OPLAH: variants seen among roughly 807,000 people sequenced by gnomAD.
OPLAH encodes the protein 5-oxoprolinase.
Under a neutral mutation model 122.8 loss-of-function variants are expected in OPLAH, and 103 were observed. The observed-to-expected ratio is 0.84, with a 90% CI of 0.71 to 0.99. The LOEUF (loss-of-function observed/expected upper bound fraction) is 0.99. Among genes scored for constraint, OPLAH ranks in the 50% least tolerant of loss-of-function variants. The pLI, the probability that OPLAH is intolerant of heterozygous loss-of-function variation, is 0.00. For missense variants in OPLAH, 1,902 were observed against 1,836.5 expected, an observed-to-expected ratio of 1.04 and a Z score of -0.65; for synonymous variants, 875 against 796.0, an observed-to-expected ratio of 1.10 and a Z score of -1.67.
chr8:144,052,957 C>T, intron 21 of OPLAH, 26 bp downstream of exon 21: 2 of 1,585,014 alleles, frequency 1.3e-6, no homozygotes, highest in Non-Finnish European at 1.7e-6. Context: ...CCCCTGCCGC[C>T]TAGAGGCACT....
chr8:144,051,136 G>A (rs1835362434), downstream of OPLAH: 3 of 1,414,008 alleles, frequency 2.1e-6, no homozygotes, highest in Non-Finnish European at 2.8e-6. Context: ...GTGACGTTCA[G>A]TACCGCCCTG....
At position 144,052,199 on chromosome 8, in the gene OPLAH, C is replaced by T. The variant is rs1554757841; in HGVS notation, c.3431G>A (p.Arg1144His). Residue 1144 changes from arginine (R) to histidine (H), a missense_variant, in exon 24 of 27, where the codon CGC (arginine) becomes CAC (histidine). This residue lies in a region of OPLAH where 1,726 missense variants were observed against 1,642.1 expected (regional missense o/e 1.05). Coordinates refer to ENST00000618853, the MANE Select transcript of OPLAH (RefSeq NM_017570.5). ...SGVHSHMTNT[R>H]ITDPEILESR... Reference sequence around the variant, plus strand: ...CTCCAGGATCTCAGGGTCGGTGATGCGTGTGTTGGTCATGTGGCTGTGCAC... The same window carrying T: ...CTCCAGGATCTCAGGGTCGGTGATGTGTGTGTTGGTCATGTGGCTGTGCAC... The T allele has an allele frequency of 1.9e-6, 3 of 1,581,754 alleles. No individual in the cohort carries two copies. The highest frequency in any genetic ancestry group is 1.8e-5 in the Admixed American group (1 of 56,564).
Position 144,055,240 on chromosome 8 carries a change from GC to G in OPLAH, c.2249-52del, listed in dbSNP as rs1260412829. On this transcript the variant is annotated intron_variant, in intron 16 of 26. Coordinates refer to ENST00000618853, the MANE Select transcript of OPLAH (RefSeq NM_017570.5). This position sits in a 1 kb window ranked among gnomAD's most constrained non-coding sequence, Gnocchi z 6.5. Reference sequence around the variant, plus strand: ...GCTGGCCCCACCCACCCACAGCCTGGCCCCAGGAAAGGGAGGAACAGGACCC... The same window carrying G: ...GCTGGCCCCACCCACCCACAGCCTGGCCCAGGAAAGGGAGGAACAGGACCC... 1.0e-4 allele frequency: 153 copies of G among 1,483,184 alleles called. No homozygotes were observed. Among genetic ancestry groups the G allele is most frequent in the Non-Finnish European group, 1.3e-4 (147 of 1,117,748 alleles). The allele number at this position is 1,483,184 out of a possible 1,614,324, so 91.9% of individuals were successfully genotyped here.
chr8:144,051,135 A>G (rs1835362380), downstream of OPLAH: 3 of 1,405,272 alleles, frequency 2.1e-6, no homozygotes, highest in African/African-American at 1.5e-5. Flanking sequence ...GGTGACGTTC[A>G]GTACCGCCCT....
At position 144,059,026 on chromosome 8, in the gene OPLAH, G is replaced by A. The variant is rs554575346; in HGVS notation, c.417C>T (p.Arg139=). 60 of 1,588,978 alleles carry A rather than the reference G, an allele frequency of 3.8e-5. No individual in the cohort carries two copies. Among genetic ancestry groups the A allele is most frequent in the South Asian group, 3.4e-4 (30 of 86,984 alleles). Residue 139 remains arginine (R), a synonymous_variant, in exon 4 of 27, where the codon CGC becomes CGT. Transcript: ENST00000618853. Reference sequence around the variant, plus strand: ...CCGCCTCTCCACGGTGCAGCACCACGCGTTCGTCCACCTCCAGCACCTCTT... The same window carrying A: ...CCGCCTCTCCACGGTGCAGCACCACACGTTCGTCCACCTCCAGCACCTCTT... The part of the protein sequence containing the change: ...LYEEVLEVDE[R]VVLHRGEAGT...
At position 144,051,393 on chromosome 8, in the gene OPLAH, G is replaced by C; in HGVS notation, c.3800C>G (p.Pro1267Arg). 2 of 1,602,784 alleles carry C rather than the reference G, an allele frequency of 1.2e-6. No homozygotes were observed. Among genetic ancestry groups the C allele is most frequent in the African/African-American group, 1.4e-5 (1 of 73,882 alleles). ...GTGCTCGGGAAAGGCCAGTGCTTGC[G>C]GGGGCGACCCCGGCGGTGGGGCGGG... is the stretch of plus-strand genomic sequence containing the variant. ...EDPAPPPGSP[P>R]QALAFPEHGS... The change falls in exon 27 of 27, where the codon CCG becomes CGG. Residue 1267 changes from proline to arginine, a missense_variant. Pro to Arg is a moderately radical substitution (Grantham distance 103). Coordinates refer to ENST00000618853, the MANE Select transcript of OPLAH (RefSeq NM_017570.5).
At chr8:144,061,235 C>T (rs925769078), upstream of OPLAH, among the ~76,000 whole-genome samples, 1 of 152,220 alleles carries the variant, frequency 6.6e-6, no homozygotes, top group Non-Finnish European at 1.5e-5. Flanking sequence ...TACTGGGCTG[C>T]ACTCCCGGAC....
chr8:144,059,554 G>T (rs781815695), intron 3 of OPLAH, 45 bp downstream of exon 3: 22 of 1,551,978 alleles, frequency 1.4e-5, no homozygotes, highest in Non-Finnish European at 1.8e-5. Flanking sequence ...CATCCCTGGG[G>T]GGTGTACACC....
intron 14 of OPLAH, 31 bp from the exon 15 acceptor site, chr8:144,056,290 G>A (rs781906896): frequency 2.7e-5 from 43 of 1,600,638 alleles, no homozygotes; most frequent in Middle Eastern, 3.3e-4. Flanking sequence ...TACAGCGCCC[G>A]GGCCCAGCAC....
At chr8:144,050,958 A>C, downstream of OPLAH, 1 of 1,044,168 alleles carries the variant, frequency 9.6e-7, no homozygotes, top group East Asian at 7.8e-5. Context: ...GGAGCAGGAG[A>C]AAGGGCGCCA....
rs546232581 is a variant in OPLAH at position 144,057,234 on chromosome 8, C to A, written c.1509G>T (p.Leu503=). 4 of 1,612,192 alleles carry A rather than the reference C, an allele frequency of 2.5e-6. No individual in the cohort carries two copies. In the Admixed American group the frequency reaches 5.0e-5, roughly 20 times the overall value. ...TGTGGATGTGCACCGTGTCCATGCC[C>A]AGGGCCCGGGCGATGGCACATGCAT... ...GQHACAIARA[L]GMDTVHIHRH... Residue 503 remains leucine (L), a synonymous_variant, in exon 11 of 27, where the codon CTG becomes CTT. Coordinates refer to ENST00000618853, the MANE Select transcript of OPLAH (RefSeq NM_017570.5).
At chr8:144,050,453 G>C (rs73379143), downstream of OPLAH, 17,745 of 985,580 alleles carry the variant, frequency 0.018, 1,459 homozygotes, top group African/African-American at 0.22. Flanking sequence ...GATAACTGCT[G>C]GAAAGGTCCA....
Position 144,052,584 on chromosome 8 carries a change from T to C in OPLAH, c.3168A>G (p.Pro1056=). The C allele has an allele frequency of 6.3e-7, 1 of 1,596,164 alleles. No individual in the cohort carries two copies. Among genetic ancestry groups the C allele is most frequent in the African/African-American group, 1.3e-5 (1 of 74,900 alleles). ...DIPLNQGCLA[P]VRVVIPRGSI... ...AGCCTCGGGGAATGACCACGCGCAC[T>C]GGCGCCAGGCAGCCCTGTGCGGGGC... Residue 1056 remains proline (P), a synonymous_variant, in exon 23 of 27, where the codon CCA becomes CCG. Coordinates refer to ENST00000618853, the MANE Select transcript of OPLAH (RefSeq NM_017570.5).
At chr8:144,052,657 C>A in intron 22 of OPLAH, 59 bp from the exon 23 acceptor site, 1 of 1,537,338 alleles carries the variant, frequency 6.5e-7, no homozygotes, top group Non-Finnish European at 8.8e-7. Flanking sequence ...GAAACAGCAC[C>A]CCACCCCCCG....
In OPLAH at chr8:144,052,479, C is replaced by T; in HGVS notation, c.3273G>A (p.Leu1091=). ...AGGCGGCGCAGGCCCCAAAGGCCCCCAGGATGACATCCACCACGCGCTGCG... is the reference window on the plus strand; with the variant it reads ...AGGCGGCGCAGGCCCCAAAGGCCCCTAGGATGACATCCACCACGCGCTGCG... ...LTSQRVVDVI[L]GAFGACAASQ... The change falls in exon 23 of 27, where the codon CTG becomes CTA. Residue 1091 remains leucine (L), a synonymous_variant. Coordinates refer to ENST00000618853, the MANE Select transcript of OPLAH (RefSeq NM_017570.5). 1 of 1,555,618 alleles carries T rather than the reference C, an allele frequency of 6.4e-7. No homozygotes were observed. The highest frequency in any genetic ancestry group is 1.2e-5 in the South Asian group (1 of 85,458).
Position 144,056,221 on chromosome 8 carries a change from G to A in OPLAH, c.2022C>T (p.Thr674=). Residue 674 remains threonine (T), a synonymous_variant, in exon 15 of 27, where the codon ACC becomes ACT. Coordinates refer to ENST00000618853, the MANE Select transcript of OPLAH (RefSeq NM_017570.5). The part of the protein sequence containing the change: ...QCYFEGGYQE[T]PVYLLAELGY... ...CCAGCTCTGCCAGCAGGTACACAGG[G>A]GTCTCCTGGTAGCCCCCCTCAAAGT... The A allele has an allele frequency of 1.2e-6, 2 of 1,612,024 alleles. No individual in the cohort carries two copies. Among genetic ancestry groups the A allele is most frequent in the African/African-American group, 2.7e-5 (2 of 75,056 alleles).
At chr8:144,059,147 G>A (rs1355907704) in intron 3 of OPLAH, 68 bp from the exon 4 acceptor site, 1 of 1,249,182 alleles carries the variant, frequency 8.0e-7, no homozygotes, top group Non-Finnish European at 1.1e-6. Context: ...TGTGTGAGTG[G>A]GTGGTACAGG....
Position 144,053,058 on chromosome 8 carries a change from G to C in OPLAH, c.2943C>G (p.Pro981=), listed in dbSNP as rs902126015. ...FGTSRQARGL[P]LEVSSEDHMD... is the part of the protein sequence containing the mutation. Reference sequence around the variant, plus strand: ...TGTGGTCTTCCGAGGACACCTCCAGGGGCAGGCCCCGGGCCTGCCGGGAGG... The same window carrying C: ...TGTGGTCTTCCGAGGACACCTCCAGCGGCAGGCCCCGGGCCTGCCGGGAGG... Residue 981 remains proline, a synonymous_variant, in exon 21 of 27, where the codon CCC becomes CCG. Transcript: ENST00000618853. 1.9e-6 allele frequency: 3 copies of C among 1,602,682 alleles called. No individual in the cohort carries two copies. Among genetic ancestry groups the C allele is most frequent in the Non-Finnish European group, 2.6e-6 (3 of 1,175,752 alleles).
Position 144,055,251 on chromosome 8 carries a change from G to T in OPLAH, c.2249-62C>A. On this transcript the variant is annotated intron_variant, in intron 16 of 26. Transcript: ENST00000618853. The surrounding 1 kb of genome is among the most constrained non-coding windows in gnomAD (Gnocchi z 6.5). ...CCACCCACAGCCTGGCCCCAGGAAAGGGAGGAACAGGACCCACCAGGACTC... is the reference window on the plus strand; with the variant it reads ...CCACCCACAGCCTGGCCCCAGGAAATGGAGGAACAGGACCCACCAGGACTC... 1 of 1,467,736 alleles carries T rather than the reference G, an allele frequency of 6.8e-7. No individual in the cohort carries two copies. Among genetic ancestry groups the T allele is most frequent in the East Asian group, 2.4e-5 (1 of 41,862 alleles). 90.9% of individuals were successfully genotyped at this position (1,467,736 alleles called of 1,614,324 possible). A position where few individuals can be genotyped will look rare whatever the true frequency, so the allele number is the denominator to read the frequency against.
Sources: allele counts gnomAD v4.1 joint callset (sites outside exome capture counted in the v4.1 genomes callset), GRCh38; gene constraint gnomAD v4.1.1; regional missense constraint gnomAD v4.1.1; non-coding constraint Gnocchi (gnomAD v3.1); transcripts MANE v1.5; gene names NCBI Gene and HGNC (gene_info 2026-07-23, HGNC 2026-07-21).